Variants in NEGR1 observed in about 807,000 individuals in gnomAD.
NEGR1 encodes neuronal growth regulator 1.
NEGR1 carries 10 observed loss-of-function variants against 40.9 expected under a neutral mutation model. That is an observed-to-expected ratio of 0.24 (90% CI 0.15 to 0.42). NEGR1 has a LOEUF of 0.42. NEGR1 is among the 10% of genes least tolerant of loss of function. The probability of loss-of-function intolerance (pLI) is 1.00; values close to 1 mark genes in which losing one functional copy is unlikely to be tolerated. For synonymous variants in NEGR1, 185 were observed against 166.8 expected (o/e 1.11, Z -0.84); for missense variants, 352 against 438.9 (o/e 0.80, Z 1.77).
At chr1:72,261,855 T>A (rs1655468935) in intron 1 of NEGR1, among the ~76,000 whole-genome samples, 1 of 151,968 alleles carries the variant, frequency 6.6e-6, no homozygotes, top group African/African-American at 2.4e-5. Flanking sequence ...ACATTGGAGA[T>A]CCCAAAAGGT....
rs1204079323 is a variant in NEGR1 at position 71,749,949 on chromosome 1, C to T, written c.535+26223G>A. 2.6e-5 allele frequency among the ~76,000 whole-genome samples: 4 copies of T among 151,088 alleles called. No individual in the cohort carries two copies. In the East Asian group the frequency reaches 7.8e-4, roughly 29 times the overall value. On this transcript the variant is annotated intron_variant, in intron 3 of 6. Transcript: ENST00000357731. ...CATATAAAAATGCCTCACAAAGCTA[C>T]AAAAATCAATCTCTCCTGATGAAAT...
intron 2 of NEGR1, among the ~76,000 whole-genome samples, chr1:71,855,179 T>C (rs532283064): frequency 3.3e-5 from 5 of 152,186 alleles, no homozygotes; most frequent in Middle Eastern, 3.4e-3. Context: ...AAAATCTAAC[T>C]CTGTTGTATA....
chr1:71,917,429 G>A lies in NEGR1; in HGVS notation c.409+17650C>T, dbSNP rs116231370. ...TATCTGTGAATTTGAAGGGTTCAGA[G>A]ATTAAAACATTCTTTCTCTTTGATC... On this transcript the variant is annotated intron_variant, in intron 2 of 6. Transcript: ENST00000357731. Among the ~76,000 whole-genome samples, 369 of 152,226 alleles carry A rather than the reference G, an allele frequency of 2.4e-3. 3 individuals are homozygous for A. Among genetic ancestry groups the A allele is most frequent in the Non-Finnish European group, 4.4e-3 (300 of 68,008 alleles).
At chr1:71,902,377 G>A (rs1313880892) in intron 2 of NEGR1, among the ~76,000 whole-genome samples, 1 of 152,206 alleles carries the variant, frequency 6.6e-6, no homozygotes, top group Non-Finnish European at 1.5e-5. Flanking sequence ...GAGTTTAACA[G>A]AAGTTGAGGA....
chr1:71,983,816 C>T (rs936907810), intron 1 of NEGR1, among the ~76,000 whole-genome samples: 1 of 152,092 alleles, frequency 6.6e-6, no homozygotes, highest in African/African-American at 2.4e-5. Context: ...GGATCATACT[C>T]CATTTTATTT....
At chr1:71,430,647 A>G (rs1296607349) in intron 6 of NEGR1, among the ~76,000 whole-genome samples, 1 of 150,090 alleles carries the variant, frequency 6.7e-6, no homozygotes, top group East Asian at 2.0e-4. Flanking sequence ...TATGTCTTAT[A>G]GCTTTTTTTT....
chr1:71,422,526 A>G (rs1260396682), intron 6 of NEGR1: 1 of 152,200 alleles, frequency 6.6e-6, no homozygotes, highest in East Asian at 1.9e-4. Context: ...ATTCTTCTGA[A>G]ATCTCATAGT....
At chr1:71,776,967 G>A (rs559374080) in intron 2 of NEGR1, among the ~76,000 whole-genome samples, 1 of 152,162 alleles carries the variant, frequency 6.6e-6, no homozygotes, top group South Asian at 2.1e-4. Context: ...CCTTTGTTAT[G>A]CCCTTTTGCA....
At chr1:72,240,931 G>T (rs908275133) in intron 1 of NEGR1, among the ~76,000 whole-genome samples, 2 of 151,484 alleles carry the variant, frequency 1.3e-5, no homozygotes, top group Non-Finnish European at 3.0e-5. Flanking sequence ...ACTTTAAACA[G>T]TCTTTAAAAG....
chr1:72,082,581 A>T (rs1648047806), intron 1 of NEGR1, among the ~76,000 whole-genome samples: 1 of 152,086 alleles, frequency 6.6e-6, no homozygotes, highest in African/African-American at 2.4e-5. Flanking sequence ...TTATCCTGAT[A>T]TTTTGTTTCT....
At chr1:72,156,816 A>G (rs921818129) in intron 1 of NEGR1, among the ~76,000 whole-genome samples, 1 of 152,188 alleles carries the variant, frequency 6.6e-6, no homozygotes, top group Non-Finnish European at 1.5e-5. Context: ...AATTTTTTGT[A>G]TTACTGTCTG....
chr1:72,043,766 C>T (rs536388414), intron 1 of NEGR1, among the ~76,000 whole-genome samples: 99 of 151,736 alleles, frequency 6.5e-4, no homozygotes, highest in South Asian at 2.1e-4. Flanking sequence ...ATATTGAATT[C>T]GCGGGGAAAA....
chr1:71,790,344 C>T (rs551961529), intron 2 of NEGR1, among the ~76,000 whole-genome samples: 1 of 152,154 alleles, frequency 6.6e-6, no homozygotes, highest in South Asian at 2.1e-4. Context: ...GGATGTATCT[C>T]TGGGAGACAC....
At chr1:71,743,064 C>A (rs1313799080) in intron 3 of NEGR1, among the ~76,000 whole-genome samples, 1 of 152,128 alleles carries the variant, frequency 6.6e-6, no homozygotes, top group South Asian at 2.1e-4. Context: ...ATCTGCAACC[C>A]GGGAAGAGGG....
intron 2 of NEGR1, among the ~76,000 whole-genome samples, chr1:71,925,477 TG>T (rs1187926669): frequency 2.6e-4 from 40 of 152,360 alleles, no homozygotes; most frequent in African/African-American, 8.7e-4. Flanking sequence ...ACTCTAATTC[TG>T]CAAACTAAGC....
chr1:72,070,651 C>T (rs367909419), intron 1 of NEGR1, among the ~76,000 whole-genome samples: 17 of 151,872 alleles, frequency 1.1e-4, no homozygotes, highest in Non-Finnish European at 2.2e-4. Flanking sequence ...CCCAGACTAA[C>T]GCCATGTATG....
intron 1 of NEGR1, among the ~76,000 whole-genome samples, chr1:72,221,179 G>A (rs990223515): frequency 6.6e-6 from 1 of 151,720 alleles, no homozygotes; most frequent in Non-Finnish European, 1.5e-5. Flanking sequence ...TCATCATATG[G>A]CCTTCTTTCC....
chr1:71,397,038 C>G lies in NEGR1; in HGVS notation c.*10408G>C, dbSNP rs150365334. 3.7e-3 allele frequency: 575 copies of G among 155,512 alleles called. 7 individuals are homozygous for G. The highest frequency in any genetic ancestry group is 2.8e-3 in the East Asian group (15 of 5,340). The allele number at this position is 155,512 out of a possible 1,614,324, so 9.6% of individuals were successfully genotyped here. On this transcript the variant is annotated 3_prime_UTR_variant, in exon 7 of 7. Coordinates refer to ENST00000357731, the MANE Select transcript of NEGR1 (RefSeq NM_173808.3). The stretch of plus-strand genomic sequence containing the variant: ...AAAATGTGGGAAAGTTTGGAACTTC[C>G]TAGAGACTTGTTGAATGGTTTTGAC...
At chr1:71,663,130 T>G (rs1652124685) in intron 4 of NEGR1, among the ~76,000 whole-genome samples, 1 of 151,898 alleles carries the variant, frequency 6.6e-6, no homozygotes, top group South Asian at 2.1e-4. Context: ...CTAATTTTTT[T>G]GTATTTTTAG....
Sources: gnomAD v4.1 joint callset for allele counts (sites outside exome capture counted in the v4.1 genomes callset) on GRCh38, gnomAD v4.1.1 for gene constraint, MANE v1.5 for transcripts, NCBI Gene and HGNC (gene_info 2026-07-23, HGNC 2026-07-21) for gene names.